The following PAK5 variants were observed in gnomAD, a reference collection of about 807,000 sequenced individuals.
The protein encoded by PAK5 is p21 (RAC1) activated kinase 5, also known as serine/threonine-protein kinase PAK 5.
In PAK5, 16 loss-of-function variants were observed where a neutral mutation model predicts 65.9. The observed-to-expected ratio is 0.24, with a 90% CI of 0.16 to 0.37. PAK5 has a LOEUF of 0.37. Ranked by LOEUF, PAK5 falls within the 10% of genes least tolerant of loss-of-function variation. The pLI, the probability that PAK5 is intolerant of heterozygous loss-of-function variation, is 1.00. For missense variants in PAK5, 785 were observed against 903.9 expected, an observed-to-expected ratio of 0.87 and a Z score of 1.69; for synonymous variants, 371 against 354.9, an observed-to-expected ratio of 1.05 and a Z score of -0.51.
chr20:9,576,420 A>G (rs2045886059), intron 4 of PAK5, among the ~76,000 whole-genome samples: 1 of 152,002 alleles, frequency 6.6e-6, no homozygotes, highest in African/African-American at 2.4e-5. Context: ...GGTTGTTAGG[A>G]GTGAGGGAGG....
chr20:9,734,595 G>A (rs2048369518), intron 1 of PAK5, among the ~76,000 whole-genome samples: 1 of 91,516 alleles, frequency 1.1e-5, no homozygotes, highest in African/African-American at 4.4e-5. Context: ...CCACGGGGTG[G>A]GAGTCAGAGA....
At chr20:9,766,091 G>A (rs2048754409) in intron 1 of PAK5, among the ~76,000 whole-genome samples, 1 of 151,672 alleles carries the variant, frequency 6.6e-6, no homozygotes, top group Non-Finnish European at 1.5e-5. Flanking sequence ...GTGTGGTGGT[G>A]CGAGCACGTA....
intron 2 of PAK5, among the ~76,000 whole-genome samples, chr20:9,699,776 G>C (rs1257946993): frequency 6.6e-6 from 1 of 152,024 alleles, no homozygotes; most frequent in African/African-American, 2.4e-5. Context: ...GTCACATGGG[G>C]AATCAGAGTG....
intron 1 of PAK5, among the ~76,000 whole-genome samples, chr20:9,761,077 G>C (rs2048694031): frequency 6.6e-6 from 1 of 152,168 alleles, no homozygotes; most frequent in African/African-American, 2.4e-5. Context: ...TTTCAGAGTA[G>C]ACAAATATGT....
intron 3 of PAK5, among the ~76,000 whole-genome samples, chr20:9,622,158 T>C (rs1413623197): frequency 6.6e-6 from 1 of 152,162 alleles, no homozygotes; most frequent in Non-Finnish European, 1.5e-5. Flanking sequence ...CGTGATTATA[T>C]GTTAGATTTA....
At chr20:9,799,939 CAAA>C (rs71331383) in intron 1 of PAK5, among the ~76,000 whole-genome samples, 3 of 43,658 alleles carry the variant, frequency 6.9e-5, no homozygotes, top group African/African-American at 1.4e-4. Context: ...ACTCTGTCTC[CAAA>C]AAAAAAAAAA....
chr20:9,746,321 C>G (rs2048507585), intron 1 of PAK5, among the ~76,000 whole-genome samples: 1 of 152,122 alleles, frequency 6.6e-6, no homozygotes, highest in Non-Finnish European at 1.5e-5. Flanking sequence ...ACATCCCTGC[C>G]CAGGCTTTCT....
intron 1 of PAK5, among the ~76,000 whole-genome samples, chr20:9,764,841 G>T (rs1600344077): frequency 6.6e-6 from 1 of 152,160 alleles, no homozygotes; most frequent in East Asian, 1.9e-4. Context: ...ATTTTTAAAG[G>T]CCCATTTTAG....
chr20:9,677,921 A>C (rs933264825), intron 2 of PAK5, among the ~76,000 whole-genome samples: 1 of 152,234 alleles, frequency 6.6e-6, no homozygotes, highest in Non-Finnish European at 1.5e-5. Context: ...ATAAAGAAGC[A>C]TATATGCTAT....
intron 1 of PAK5, among the ~76,000 whole-genome samples, chr20:9,718,767 T>A (rs1482908946): frequency 6.6e-6 from 1 of 152,214 alleles, no homozygotes; most frequent in African/African-American, 2.4e-5. Flanking sequence ...TAGAAATATG[T>A]CTTCATCACT....
chr20:9,781,364 G>T (rs932281618), intron 1 of PAK5, among the ~76,000 whole-genome samples: 9 of 152,256 alleles, frequency 5.9e-5, no homozygotes, highest in African/African-American at 2.2e-4. Context: ...CCCATAGAAG[G>T]CCACTGTGAG....
chr20:9,721,928 A>G (rs1569058816), intron 1 of PAK5, among the ~76,000 whole-genome samples: 2 of 152,098 alleles, frequency 1.3e-5, no homozygotes, highest in South Asian at 2.1e-4. Flanking sequence ...TCTCCCATAT[A>G]TCATGTTTTG....
intron 1 of PAK5, among the ~76,000 whole-genome samples, chr20:9,785,451 C>T (rs1365802928): frequency 2.0e-5 from 3 of 152,170 alleles, no homozygotes; most frequent in Non-Finnish European, 4.4e-5. Context: ...CTGAAAGAAT[C>T]ACAGCACATC....
At chr20:9,727,836 T>C (rs1463174028) in intron 1 of PAK5, among the ~76,000 whole-genome samples, 1 of 152,138 alleles carries the variant, frequency 6.6e-6, no homozygotes, top group African/African-American at 2.4e-5. Flanking sequence ...CCTGTGTACA[T>C]GTTCTTATTA....
At chr20:9,648,358 A>G (rs936179241) in intron 2 of PAK5, among the ~76,000 whole-genome samples, 1 of 152,206 alleles carries the variant, frequency 6.6e-6, no homozygotes, top group African/African-American at 2.4e-5. Flanking sequence ...TCTACTGGGG[A>G]AGCCCATCAG....
At chr20:9,723,303 A>G (rs1309237531) in intron 1 of PAK5, among the ~76,000 whole-genome samples, 1 of 152,084 alleles carries the variant, frequency 6.6e-6, no homozygotes. Flanking sequence ...GTATTTTGAA[A>G]CTTTAGTTGA....
At chr20:9,553,722 T>G (rs1445031105) in intron 7 of PAK5, among the ~76,000 whole-genome samples, 1 of 152,204 alleles carries the variant, frequency 6.6e-6, no homozygotes, top group Non-Finnish European at 1.5e-5. Context: ...GACATGGATA[T>G]ATTAATACTA....
At chr20:9,723,229 G>A (rs1290442618) in intron 1 of PAK5, among the ~76,000 whole-genome samples, 2 of 152,184 alleles carry the variant, frequency 1.3e-5, no homozygotes, top group African/African-American at 4.8e-5. Flanking sequence ...GTGAAGAATG[G>A]CAGCGGGTTT....
At chr20:9,547,954 G>A (rs6056691) in intron 7 of PAK5, among the ~76,000 whole-genome samples, 30,382 of 152,118 alleles carry the variant, frequency 0.2, 4,099 homozygotes, top group African/African-American at 0.39. Context: ...GTGGGGATAA[G>A]GGGGCATTTG....
Sources: allele counts gnomAD v4.1 joint callset (sites outside exome capture counted in the v4.1 genomes callset), GRCh38; gene constraint gnomAD v4.1.1; transcripts MANE v1.5; gene names NCBI Gene and HGNC (gene_info 2026-07-23, HGNC 2026-07-21).